The following IL34 variants were observed in gnomAD, a reference collection of about 807,000 sequenced individuals.
The protein encoded by IL34 is interleukin 34.
In IL34, 17 loss-of-function variants were observed where a neutral mutation model predicts 25.3. That is an observed-to-expected ratio of 0.67 (90% CI 0.46 to 1.01). The LOEUF (loss-of-function observed/expected upper bound fraction) is 1.01. IL34 is among the 50% of genes least tolerant of loss of function. The pLI is 0.00. For synonymous variants in IL34, 174 were observed against 140.9 expected (o/e 1.23, Z -1.66); for missense variants, 368 against 312.9 (o/e 1.18, Z -1.33).
intron 1 of IL34, among the ~76,000 whole-genome samples, chr16:70,600,174 C>T (rs1228706963): frequency 6.6e-6 from 1 of 152,128 alleles, no homozygotes; most frequent in Non-Finnish European, 1.5e-5. Flanking sequence ...CATGTCTTCT[C>T]TCGTTCCTAT....
chr16:70,586,790 A>G (rs76704150), intron 1 of IL34, among the ~76,000 whole-genome samples: 1 of 152,316 alleles, frequency 6.6e-6, no homozygotes, highest in East Asian at 1.9e-4. Context: ...TTACAGATGA[A>G]GAAATCGAGG....
At chr16:70,657,690 G>A (rs8051559) in intron 4 of IL34, among the ~76,000 whole-genome samples, 2,483 of 152,192 alleles carry the variant, frequency 0.016, 35 homozygotes, top group African/African-American at 0.036. Flanking sequence ...CAGGAGAATC[G>A]CTTGAACCTG....
chr16:70,648,294 G>A lies in IL34; in HGVS notation c.28+1319G>A, dbSNP rs1432230914. On this transcript the variant is annotated intron_variant, in intron 1 of 5. Coordinates refer to ENST00000288098, the MANE Select transcript of IL34 (RefSeq NM_001393494.1). ...AAGGGATGCTGGGCTGGTGGCTCACGCCCGTGATCCCAGCACTGTGGGAGG... is the reference window on the plus strand; with the variant it reads ...AAGGGATGCTGGGCTGGTGGCTCACACCCGTGATCCCAGCACTGTGGGAGG... Among the ~76,000 whole-genome samples, 6 of 152,262 alleles carry A rather than the reference G, an allele frequency of 3.9e-5. No individual in the cohort carries two copies. In the South Asian group the frequency reaches 6.2e-4, roughly 16 times the overall value.
chr16:70,649,906 C>A (rs2052036683), intron 1 of IL34, among the ~76,000 whole-genome samples: 1 of 152,190 alleles, frequency 6.6e-6, no homozygotes, highest in Non-Finnish European at 1.5e-5. Flanking sequence ...TCAGATGATT[C>A]TTGTGTCTCA....
chr16:70,598,256 T>C (rs1234596736), intron 1 of IL34, among the ~76,000 whole-genome samples: 1 of 152,032 alleles, frequency 6.6e-6, no homozygotes, highest in Non-Finnish European at 1.5e-5. Flanking sequence ...CATCCTCCAT[T>C]AGCGACCTCT....
intron 1 of IL34, among the ~76,000 whole-genome samples, chr16:70,595,867 T>C (rs976829365): frequency 6.6e-6 from 1 of 151,740 alleles, no homozygotes; most frequent in African/African-American, 2.4e-5. Flanking sequence ...AAAAATTAGC[T>C]GGGCGTGGTG....
At chr16:70,653,897 C>T (rs1225255543) in intron 1 of IL34, among the ~76,000 whole-genome samples, 4 of 152,032 alleles carry the variant, frequency 2.6e-5, no homozygotes, top group African/African-American at 7.2e-5. Flanking sequence ...GTCACAGTGA[C>T]CCCCAGTGGC....
At chr16:70,611,619 A>G (rs931446474) in intron 1 of IL34, among the ~76,000 whole-genome samples, 3 of 151,982 alleles carry the variant, frequency 2.0e-5, no homozygotes, top group Admixed American at 6.6e-5. Context: ...GTAAGACCCC[A>G]TATCTACACA....
intron 1 of IL34, among the ~76,000 whole-genome samples, chr16:70,620,475 GC>G (rs2051257465): frequency 6.6e-6 from 1 of 152,052 alleles, no homozygotes; most frequent in African/African-American, 2.4e-5. Flanking sequence ...AGGAGCGGAG[GC>G]TGAGGAAGAA....
chr16:70,650,198 G>C (rs1312508021), intron 1 of IL34, among the ~76,000 whole-genome samples: 1 of 152,190 alleles, frequency 6.6e-6, no homozygotes, highest in Admixed American at 6.5e-5. Context: ...GGTGTGCAGA[G>C]CATGTGGGGG....
chr16:70,656,631 C>A lies in IL34; in HGVS notation c.192C>A (p.Ile64=). 1 of 1,450,930 alleles carries A rather than the reference C, an allele frequency of 6.9e-7. No individual in the cohort carries two copies. The highest frequency in any genetic ancestry group is 9.7e-7 in the Non-Finnish European group (1 of 1,030,868). The allele number at this position is 1,450,930 out of a possible 1,614,324, so 89.9% of individuals were successfully genotyped here. Reference sequence around the variant, plus strand: ...ACTACTTCCCCATCAACTACAAGATCAGTGTGCCTTACGAGGGGGTGTTCA... The same window carrying A: ...ACTACTTCCCCATCAACTACAAGATAAGTGTGCCTTACGAGGGGGTGTTCA... ...MKHYFPINYK[I]SVPYEGVFRI... Residue 64 remains isoleucine (I), a synonymous_variant, in exon 3 of 6, where the codon ATC becomes ATA. Coordinates refer to ENST00000288098, the MANE Select transcript of IL34 (RefSeq NM_001393494.1).
At chr16:70,623,305 G>T (rs1242552009) in intron 1 of IL34, among the ~76,000 whole-genome samples, 1 of 152,070 alleles carries the variant, frequency 6.6e-6, no homozygotes, top group African/African-American at 2.4e-5. Flanking sequence ...ATGGATTGTG[G>T]AGGGAGGTAT....
At chr16:70,630,394 G>A (rs527509800) in intron 1 of IL34, among the ~76,000 whole-genome samples, 2 of 152,110 alleles carry the variant, frequency 1.3e-5, no homozygotes, top group African/African-American at 2.4e-5. Context: ...ACCATGCCTG[G>A]CTAAGTTTTG....
chr16:70,584,291 G>A (rs2050666666), intron 1 of IL34, among the ~76,000 whole-genome samples: 1 of 152,198 alleles, frequency 6.6e-6, no homozygotes, highest in African/African-American at 2.4e-5. Flanking sequence ...CTGGGAACCT[G>A]CTTCCTGAGC....
intron 1 of IL34, among the ~76,000 whole-genome samples, chr16:70,649,793 A>ATTTTATTTTTAT (rs10526861): frequency 6.7e-6 from 1 of 149,836 alleles, no homozygotes; most frequent in Non-Finnish European, 1.5e-5. Context: ...TTGTTTTATT[A>ATTTTATTTTTAT]TTTTATTTTT....
At chr16:70,654,715 G>A (rs1308834947) in intron 2 of IL34, 44 bp downstream of exon 2, 1 of 1,560,920 alleles carries the variant, frequency 6.4e-7, no homozygotes, top group African/African-American at 1.3e-5. Context: ...CCGCGTCCCG[G>A]GGTTCACCTG....
intron 1 of IL34, among the ~76,000 whole-genome samples, chr16:70,598,033 A>G (rs1295164570): frequency 6.6e-6 from 1 of 152,106 alleles, no homozygotes; most frequent in African/African-American, 2.4e-5. Flanking sequence ...TTTAGTAGAG[A>G]CGGGGTTTCG....
intron 2 of IL34, among the ~76,000 whole-genome samples, chr16:70,655,799 C>G (rs916731867): frequency 4.6e-5 from 7 of 152,098 alleles, no homozygotes; most frequent in African/African-American, 1.7e-4. Flanking sequence ...AACTTAAACT[C>G]CTGTGCTCAA....
rs559214256 is a variant in IL34 at position 70,596,606 on chromosome 16, C to T, written c.-401+16557C>T. ...TCAGAAACTGGAGCCCCTGAAGCCACGCATATGCCTCTCTGTACCCGTCCC... is the reference window on the plus strand; with the variant it reads ...TCAGAAACTGGAGCCCCTGAAGCCATGCATATGCCTCTCTGTACCCGTCCC... On this transcript the variant is annotated intron_variant, in intron 1 of 6. Transcript: ENST00000429149. Among the ~76,000 whole-genome samples, 16 of 152,296 alleles carry T rather than the reference C, an allele frequency of 1.1e-4. No individual in the cohort carries two copies. In the South Asian group the frequency reaches 1.5e-3, roughly 14 times the overall value.
Sources: gnomAD v4.1 joint callset for allele counts (sites outside exome capture counted in the v4.1 genomes callset) on GRCh38, gnomAD v4.1.1 for gene constraint, MANE v1.5 for transcripts, NCBI Gene and HGNC (gene_info 2026-07-23, HGNC 2026-07-21) for gene names.